The following LRBA variants were observed in gnomAD, a reference collection of about 807,000 sequenced individuals.
LRBA encodes lipopolysaccharide-responsive and beige-like anchor protein.
Under a neutral mutation model 330.0 loss-of-function variants are expected in LRBA, and 176 were observed. The observed-to-expected ratio is 0.53, with a 90% CI of 0.47 to 0.60. The LOEUF (loss-of-function observed/expected upper bound fraction) is 0.60, where lower values mean the gene tolerates loss of function less well. LRBA is among the 20% of genes least tolerant of loss of function. The pLI is 0.00. For missense variants in LRBA, 3,259 were observed against 3,444.8 expected (o/e 0.95, Z 1.35); for synonymous variants, 1,230 against 1,193.0 (o/e 1.03, Z -0.64).
At chr4:150,765,178 T>G (rs1331014432) in intron 34 of LRBA, among the ~76,000 whole-genome samples, 1 of 151,772 alleles carries the variant, frequency 6.6e-6, no homozygotes, top group Non-Finnish European at 1.5e-5. Flanking sequence ...AAAGGTTACA[T>G]ACTGTATGAT....
Position 150,850,882 on chromosome 4 carries a change from C to T in LRBA, c.3846G>A (p.Gln1282=). Residue 1282 remains glutamine, a synonymous_variant, in exon 24 of 57, where the codon CAG becomes CAA. Coordinates refer to ENST00000651943, the MANE Select transcript of LRBA (RefSeq NM_001364905.1). ...HVLEISRQHE[Q]PGQGIAPDAV... is the part of the protein sequence containing the mutation. Reference sequence around the variant, plus strand: ...CATCTGGTGCTATTCCTTGCCCTGGCTGCTCATGTTGCCTTGATATCTAAT... The same window carrying T: ...CATCTGGTGCTATTCCTTGCCCTGGTTGCTCATGTTGCCTTGATATCTAAT... 6.2e-7 allele frequency: 1 copy of T among 1,610,056 alleles called. No homozygotes were observed. Among genetic ancestry groups the T allele is most frequent in the Non-Finnish European group, 8.5e-7 (1 of 1,178,766 alleles).
At chr4:150,788,239 A>ATTTTT (rs377479266) in intron 34 of LRBA, among the ~76,000 whole-genome samples, 13 of 123,226 alleles carry the variant, frequency 1.1e-4, no homozygotes, top group African/African-American at 4.6e-4. Flanking sequence ...CACCCGGTTA[A>ATTTTT]TTTTTTTTTT....
chr4:150,429,650 A>G (rs1750111752), intron 46 of LRBA, among the ~76,000 whole-genome samples: 1 of 152,094 alleles, frequency 6.6e-6, no homozygotes, highest in African/African-American at 2.4e-5. Flanking sequence ...CTAGAGACAT[A>G]AATGTGGGAG....
At chr4:150,532,592 T>C (rs1284206262) in intron 40 of LRBA, among the ~76,000 whole-genome samples, 1 of 152,118 alleles carries the variant, frequency 6.6e-6, no homozygotes, top group Non-Finnish European at 1.5e-5. Flanking sequence ...TGGTATATTA[T>C]TACAAATGAA....
intron 34 of LRBA, among the ~76,000 whole-genome samples, chr4:150,782,081 A>C (rs1340209255): frequency 6.6e-6 from 1 of 152,020 alleles, no homozygotes; most frequent in Non-Finnish European, 1.5e-5. Context: ...TAATTTTTGC[A>C]TATTTTGTAG....
At chr4:150,750,223 T>C (rs1179410781) in intron 35 of LRBA, among the ~76,000 whole-genome samples, 1 of 152,204 alleles carries the variant, frequency 6.6e-6, no homozygotes, top group East Asian at 1.9e-4. Context: ...TGATTACTTG[T>C]TTATTATTTG....
chr4:150,877,850 T>C (rs1287209803), intron 17 of LRBA, among the ~76,000 whole-genome samples: 1 of 152,002 alleles, frequency 6.6e-6, no homozygotes, highest in Non-Finnish European at 1.5e-5. Context: ...CACAGTGAAA[T>C]AAAAATAGAA....
chr4:150,734,808 T>C (rs1437730819), intron 36 of LRBA, among the ~76,000 whole-genome samples: 1 of 152,190 alleles, frequency 6.6e-6, no homozygotes, highest in East Asian at 1.9e-4. Flanking sequence ...ACAAATACTG[T>C]TACGCTCTCA....
intron 17 of LRBA, among the ~76,000 whole-genome samples, chr4:150,884,450 C>T (rs1728736365): frequency 6.6e-6 from 1 of 152,172 alleles, no homozygotes; most frequent in African/African-American, 2.4e-5. Context: ...AGATAAGTAG[C>T]CACAACTTTG....
intron 53 of LRBA, among the ~76,000 whole-genome samples, chr4:150,290,715 C>T (rs1200236661): frequency 1.3e-5 from 2 of 152,068 alleles, no homozygotes; most frequent in African/African-American, 4.8e-5. Context: ...GAAAAGGATA[C>T]CCAGTGCATC....
chr4:150,314,371 G>A (rs557096952), intron 51 of LRBA, among the ~76,000 whole-genome samples: 36 of 151,994 alleles, frequency 2.4e-4, no homozygotes, highest in African/African-American at 8.0e-4. Context: ...AGATAATTAC[G>A]TATTAGATTT....
intron 4 of LRBA, 56 bp from the exon 5 acceptor site, chr4:150,921,349 A>C (rs1733238122): frequency 9.8e-7 from 1 of 1,020,706 alleles, no homozygotes; most frequent in Admixed American, 1.8e-5. Context: ...GATAAAAAAA[A>C]CACATCTTTA....
At chr4:150,266,594 T>C (rs1282097499) in intron 56 of LRBA, among the ~76,000 whole-genome samples, 1 of 152,064 alleles carries the variant, frequency 6.6e-6, no homozygotes, top group Non-Finnish European at 1.5e-5. Context: ...CAAAATTAAT[T>C]AGGAACTAAA....
chr4:150,947,593 C>T (rs966808148), intron 2 of LRBA, among the ~76,000 whole-genome samples: 1 of 151,890 alleles, frequency 6.6e-6, no homozygotes, highest in Non-Finnish European at 1.5e-5. Flanking sequence ...GATAAAAGAC[C>T]GAGTATTTTC....
At chr4:150,550,158 A>G (rs917934186) in intron 40 of LRBA, among the ~76,000 whole-genome samples, 3 of 152,226 alleles carry the variant, frequency 2.0e-5, no homozygotes, top group African/African-American at 7.2e-5. Context: ...GAATGGATAT[A>G]TTAAAATTTT....
chr4:150,538,933 C>A (rs899072765), intron 40 of LRBA, among the ~76,000 whole-genome samples: 2 of 151,914 alleles, frequency 1.3e-5, no homozygotes, highest in African/African-American at 4.8e-5. Context: ...CAAACCTGCA[C>A]ATGTAGCCTC....
chr4:150,857,226 A>G (rs1361461949), intron 22 of LRBA, among the ~76,000 whole-genome samples: 1 of 152,158 alleles, frequency 6.6e-6, no homozygotes, highest in Admixed American at 6.5e-5. Context: ...AATGAGCATA[A>G]GTCAAAATGA....
intron 40 of LRBA, among the ~76,000 whole-genome samples, chr4:150,496,073 T>A (rs1034895530): frequency 6.6e-6 from 1 of 152,120 alleles, no homozygotes. Context: ...CACATAAATA[T>A]TCTATTTATT....
chr4:150,571,562 G>A (rs1467444802), intron 40 of LRBA, among the ~76,000 whole-genome samples: 3 of 151,334 alleles, frequency 2.0e-5, no homozygotes, highest in Non-Finnish European at 2.9e-5. Context: ...CAAAAAGACA[G>A]GGGCATTCAC....
Sources: gnomAD v4.1 joint callset for allele counts (sites outside exome capture counted in the v4.1 genomes callset) on GRCh38, gnomAD v4.1.1 for gene constraint, MANE v1.5 for transcripts, NCBI Gene and HGNC (gene_info 2026-07-23, HGNC 2026-07-21) for gene names.